SCHIP1: variants seen among roughly 807,000 people sequenced by gnomAD.
SCHIP1 encodes schwannomin-interacting protein 1.
A neutral mutation model predicts 29.7 loss-of-function variants in SCHIP1; 8 were observed. The observed-to-expected ratio is 0.27, with a 90% CI of 0.16 to 0.49. The LOEUF (loss-of-function observed/expected upper bound fraction) is 0.49. Ranked by LOEUF, SCHIP1 falls within the 20% of genes least tolerant of loss-of-function variation. The probability of loss-of-function intolerance (pLI) is 0.99; values close to 1 mark genes in which losing one functional copy is unlikely to be tolerated. For synonymous variants in SCHIP1, 76 were observed against 94.9 expected, an observed-to-expected ratio of 0.80 and a Z score of 1.16; for missense variants, 193 against 294.6, an observed-to-expected ratio of 0.66 and a Z score of 2.52.
chr3:159,573,028 C>A, the SCHIP1 span, among the ~76,000 whole-genome samples: 1 of 151,654 alleles, frequency 6.6e-6, no homozygotes, highest in African/African-American at 2.4e-5. Flanking sequence ...GATGGGTCTC[C>A]TGCACACAAC....
chr3:159,722,878 A>C, the SCHIP1 span, among the ~76,000 whole-genome samples: 2 of 152,172 alleles, frequency 1.3e-5, no homozygotes, highest in Non-Finnish European at 2.9e-5. Flanking sequence ...ATGTCTTCAT[A>C]TAGAAATCAT....
chr3:159,439,742 G>T, the SCHIP1 span, among the ~76,000 whole-genome samples: 88 of 151,276 alleles, frequency 5.8e-4, no homozygotes, highest in African/African-American at 2.0e-3. Context: ...TTTTTTTCTT[G>T]TAAATTTGTT....
the SCHIP1 span, among the ~76,000 whole-genome samples, chr3:159,625,220 C>T: frequency 1.3e-5 from 2 of 152,158 alleles, no homozygotes; most frequent in Non-Finnish European, 2.9e-5. Context: ...ACCCTATGGC[C>T]TCACTTTGAA....
At chr3:159,671,240 G>A in the SCHIP1 span, among the ~76,000 whole-genome samples, 31 of 152,262 alleles carry the variant, frequency 2.0e-4, no homozygotes, top group African/African-American at 7.2e-4. Flanking sequence ...GTACACTCAA[G>A]TAATCTACTG....
the SCHIP1 span, among the ~76,000 whole-genome samples, chr3:159,440,901 C>A: frequency 6.6e-6 from 1 of 152,162 alleles, no homozygotes; most frequent in East Asian, 1.9e-4. Flanking sequence ...AATAATATAT[C>A]TTTGTTTTCT....
At chr3:159,274,780 G>T in the SCHIP1 span, 1 of 787,720 alleles carries the variant, frequency 1.3e-6, no homozygotes, top group Non-Finnish European at 1.5e-6. Context: ...CTTTTCTCAG[G>T]CCAATTAAAC....
chr3:159,727,846 C>T, the SCHIP1 span, among the ~76,000 whole-genome samples: 1 of 152,014 alleles, frequency 6.6e-6, no homozygotes, highest in Admixed American at 6.6e-5. Flanking sequence ...GCCTCATGCA[C>T]TGGTCAGTCC....
At position 159,860,469 on chromosome 3, in the gene SCHIP1, G is replaced by A. The variant is rs565565613; in HGVS notation, c.31-5694G>A. ...GACTCATAAGTACCCTGAAGCCTGAGAAGCATTGCACCAGGTAACAACTTA... is the reference window on the plus strand; with the variant it reads ...GACTCATAAGTACCCTGAAGCCTGAAAAGCATTGCACCAGGTAACAACTTA... On this transcript the variant is annotated intron_variant, in intron 1 of 6. Transcript: ENST00000445224. Among the ~76,000 whole-genome samples, 9 of 152,312 alleles carry A rather than the reference G, an allele frequency of 5.9e-5. No homozygotes were observed. In the South Asian group the frequency reaches 1.9e-3, roughly 32 times the overall value.
the SCHIP1 span, among the ~76,000 whole-genome samples, chr3:159,358,920 C>CTTTTT: frequency 1.5e-4 from 14 of 96,544 alleles, no homozygotes; most frequent in African/African-American, 5.3e-4. Context: ...TATTAGCATC[C>CTTTTT]TTTTTTTTTT....
chr3:159,671,924 A>T, the SCHIP1 span, among the ~76,000 whole-genome samples: 1 of 152,288 alleles, frequency 6.6e-6, no homozygotes, highest in East Asian at 1.9e-4. Flanking sequence ...ACAGGGAGTG[A>T]CCTGCAATTC....
the SCHIP1 span, among the ~76,000 whole-genome samples, chr3:159,539,039 C>T: frequency 6.6e-6 from 1 of 152,040 alleles, no homozygotes; most frequent in Non-Finnish European, 1.5e-5. Context: ...CAGTATCTAT[C>T]CCTACAAATG....
the SCHIP1 span, among the ~76,000 whole-genome samples, chr3:159,469,964 T>G: frequency 6.6e-6 from 1 of 152,154 alleles, no homozygotes; most frequent in African/African-American, 2.4e-5. Flanking sequence ...CCAAGTATGT[T>G]TCATTCTAGT....
chr3:159,279,660 C>G, the SCHIP1 span, among the ~76,000 whole-genome samples: 22 of 146,240 alleles, frequency 1.5e-4, no homozygotes, highest in African/African-American at 5.6e-4. Context: ...TTTACTGCAG[C>G]CTTGACCATT....
the SCHIP1 span, among the ~76,000 whole-genome samples, chr3:159,730,291 G>A: frequency 3.3e-5 from 5 of 152,128 alleles, no homozygotes; most frequent in Non-Finnish European, 4.4e-5. Context: ...TAACCTCTGC[G>A]CCTTAGTCTT....
intron 6 of SCHIP1, among the ~76,000 whole-genome samples, chr3:159,895,296 C>A (rs950302861): frequency 6.6e-6 from 1 of 152,166 alleles, no homozygotes; most frequent in Admixed American, 6.5e-5. Flanking sequence ...ACTGTTGTCA[C>A]TCCCCTGTTT....
the SCHIP1 span, among the ~76,000 whole-genome samples, chr3:159,428,617 C>T: frequency 2.7e-5 from 4 of 150,304 alleles, no homozygotes; most frequent in African/African-American, 9.7e-5. Flanking sequence ...ACTAGTTCAA[C>T]CATTGTGGAA....
chr3:159,583,909 T>A, the SCHIP1 span, among the ~76,000 whole-genome samples: 2 of 152,204 alleles, frequency 1.3e-5, no homozygotes, highest in Non-Finnish European at 2.9e-5. Context: ...ATTCTCTCGC[T>A]GAGTACTTAT....
chr3:159,551,812 G>A, the SCHIP1 span, among the ~76,000 whole-genome samples: 1 of 152,062 alleles, frequency 6.6e-6, no homozygotes, highest in African/African-American at 2.4e-5. Context: ...TCTGCATTAT[G>A]TTGGAACATG....
intron 1 of SCHIP1, among the ~76,000 whole-genome samples, chr3:159,843,759 C>T (rs981216964): frequency 7.2e-6 from 1 of 139,408 alleles, no homozygotes; most frequent in African/African-American, 2.8e-5. Context: ...GGAGGCAGAG[C>T]TTGCAGTGAG....
Sources: allele counts gnomAD v4.1 joint callset (sites outside exome capture counted in the v4.1 genomes callset), GRCh38; gene constraint gnomAD v4.1.1; transcripts MANE v1.5; gene names NCBI Gene and HGNC (gene_info 2026-07-23, HGNC 2026-07-21).